Variants in PCDHGB7 observed in about 807,000 individuals in gnomAD.
The protein encoded by PCDHGB7 is protocadherin gamma subfamily B, 7.
In PCDHGB7, 37 loss-of-function variants were observed where a neutral mutation model predicts 61.4. That is an observed-to-expected ratio of 0.60 (90% CI 0.46 to 0.79). The LOEUF is 0.79. Ranked by LOEUF, PCDHGB7 falls within the 30% of genes least tolerant of loss-of-function variation. PCDHGB7 has a pLI of 0.00. For synonymous variants in PCDHGB7, 464 were observed against 503.5 expected (o/e 0.92, Z 1.05); for missense variants, 1,166 against 1,202.5 (o/e 0.97, Z 0.45).
chr5:141,468,443 G>A (rs760789357), intron 1 of PCDHGB7: 6 of 152,124 alleles, frequency 3.9e-5, no homozygotes, highest in Non-Finnish European at 8.8e-5. Context: ...AAATGTGGGT[G>A]CAAAATTAAA....
chr5:141,485,151 T>G lies in PCDHGB7; in HGVS notation c.2416-9656T>G. The G allele has an allele frequency of 2.5e-6, 4 of 1,584,876 alleles. No individual in the cohort carries two copies. Among genetic ancestry groups the G allele is most frequent in the Non-Finnish European group, 3.5e-6 (4 of 1,156,528 alleles). ...GCTTCATCCGCGTCTCAGGAGCAAG[T>G]AGAGAATTAGCGGGCGGCAGCAATG... On this transcript the variant is annotated intron_variant, in intron 1 of 3. Coordinates refer to ENST00000398594, the MANE Select transcript of PCDHGB7 (RefSeq NM_018927.4). The surrounding 1 kb of genome is among the most constrained non-coding windows in gnomAD (Gnocchi z 5.7).
rs1474193256 is a variant in PCDHGB7 at position 141,419,582 on chromosome 5, T to A, written c.1723T>A (p.Phe575Ile). The change falls in exon 1 of 4, where the codon TTC (phenylalanine) becomes ATC (isoleucine). Residue 575 changes from phenylalanine (F) to isoleucine (I), a missense_variant. By Grantham distance (21) the Phe-to-Ile change is conservative. Coordinates refer to ENST00000398594, the MANE Select transcript of PCDHGB7 (RefSeq NM_018927.4). Reference protein sequence around the residue: ...PALGPDGSALFDTVPRAAQPG... With the variant: ...PALGPDGSALIDTVPRAAQPG... Reference sequence around the variant, plus strand: ...GCTGGGTCCCGACGGCTCCGCGCTCTTCGACACAGTGCCGCGGGCCGCGCA... The same window carrying A: ...GCTGGGTCCCGACGGCTCCGCGCTCATCGACACAGTGCCGCGGGCCGCGCA... 1 of 1,611,894 alleles carries A rather than the reference T, an allele frequency of 6.2e-7. No individual in the cohort carries two copies.
intron 2 of PCDHGB7, among the ~76,000 whole-genome samples, chr5:141,499,384 A>G (rs2099791576): frequency 6.6e-6 from 1 of 152,200 alleles, no homozygotes. Context: ...TTTTCCACTT[A>G]TAAAATAGTA....
intron 1 of PCDHGB7, chr5:141,478,182 AT>A: frequency 6.2e-7 from 1 of 1,613,984 alleles, no homozygotes. Context: ...CAGAAAAAAA[AT>A]CTCACCTTTT....
chr5:141,500,484 C>T (rs2099800696), intron 2 of PCDHGB7, among the ~76,000 whole-genome samples: 1 of 152,304 alleles, frequency 6.6e-6, no homozygotes, highest in Non-Finnish European at 1.5e-5. Context: ...GCTGGGATTA[C>T]AGGCGTGAGC....
At chr5:141,496,948 G>A (rs2099772844) in intron 2 of PCDHGB7, among the ~76,000 whole-genome samples, 1 of 151,826 alleles carries the variant, frequency 6.6e-6, no homozygotes, top group Admixed American at 6.6e-5. Context: ...CACTTTGGGA[G>A]GCCAAGGTGG....
intron 1 of PCDHGB7, among the ~76,000 whole-genome samples, chr5:141,438,705 G>A (rs555160868): frequency 2.0e-4 from 29 of 145,842 alleles, no homozygotes; most frequent in African/African-American, 7.1e-4. Flanking sequence ...CTGTCACCCA[G>A]GCTGGAGTGC....
intron 2 of PCDHGB7, 141 bp downstream of exon 2, chr5:141,495,006 G>A (rs1030195663): frequency 1.3e-6 from 2 of 1,521,564 alleles, no homozygotes; most frequent in Non-Finnish European, 1.8e-6. Flanking sequence ...CTTGGTGTGC[G>A]GGGGGCTGGC....
chr5:141,497,885 A>T (rs1469477968), intron 2 of PCDHGB7, among the ~76,000 whole-genome samples: 1 of 152,166 alleles, frequency 6.6e-6, no homozygotes, highest in Non-Finnish European at 1.5e-5. Flanking sequence ...AAGCGTTAGG[A>T]TCTAGTCCAG....
At chr5:141,426,680 T>TC in intron 1 of PCDHGB7, 1 of 431,452 alleles carries the variant, frequency 2.3e-6, no homozygotes, top group South Asian at 1.6e-5. Context: ...CACCTCATTT[T>TC]CCCCAAAATA....
At position 141,476,161 on chromosome 5, in the gene PCDHGB7, G is replaced by A. The variant is rs748660112; in HGVS notation, c.2416-18646G>A. 21 of 1,613,012 alleles carry A rather than the reference G, an allele frequency of 1.3e-5. No homozygotes were observed. Among genetic ancestry groups the A allele is most frequent in the Non-Finnish European group, 1.8e-5 (21 of 1,179,922 alleles). On this transcript the variant is annotated intron_variant, in intron 1 of 3. Transcript: ENST00000398594. The surrounding 1 kb of genome is among the most constrained non-coding windows in gnomAD (Gnocchi z 7.6). ...GGAGCGGACTGGTAAGCACCGGGAG[G>A]GTAGTGGGAGTTTTGCTTCTGCTTG... is the stretch of plus-strand genomic sequence containing the variant.
At chr5:141,426,445 A>T (rs2096937062) in intron 1 of PCDHGB7, 1 of 310,256 alleles carries the variant, frequency 3.2e-6, no homozygotes, top group East Asian at 8.0e-5. Context: ...TGCGGAGGAC[A>T]TGCGGCTGCA....
intron 1 of PCDHGB7, among the ~76,000 whole-genome samples, chr5:141,461,881 T>C (rs2099025428): frequency 6.6e-6 from 1 of 152,060 alleles, no homozygotes. Flanking sequence ...TGGAGTGCAA[T>C]GGCACGATCT....
intron 1 of PCDHGB7, chr5:141,423,051 C>T (rs200022455): frequency 1.7e-5 from 28 of 1,614,084 alleles, no homozygotes; most frequent in Non-Finnish European, 2.3e-5. Context: ...TGTCCTATCG[C>T]CTGCTTAAGG....
intron 2 of PCDHGB7, among the ~76,000 whole-genome samples, chr5:141,498,882 G>A (rs1287566657): frequency 6.8e-6 from 1 of 147,420 alleles, no homozygotes; most frequent in African/African-American, 2.5e-5. Context: ...GCAGTGAGCT[G>A]AGATCACACC....
In PCDHGB7 at chr5:141,418,063, G is replaced by C. The variant is rs2015825; in HGVS notation, c.204G>C (p.Val68=). The change falls in exon 1 of 4, where the codon GTG becomes GTC. Residue 68 remains valine (V), a synonymous_variant. Coordinates refer to ENST00000398594, the MANE Select transcript of PCDHGB7 (RefSeq NM_018927.4). The stretch of plus-strand genomic sequence containing the variant: ...ATGTGTCGGCTCGCGAGCTGCGAGT[G>C]AGCGCGGAGAAGCTGCACTTCAGCG... The part of the protein sequence containing the change: ...VLDVSARELR[V]SAEKLHFSVD... The C allele has an allele frequency of 1.9e-6, 3 of 1,613,754 alleles. No homozygotes were observed. Among genetic ancestry groups the C allele is most frequent in the Admixed American group, 1.7e-5 (1 of 59,984 alleles).
In PCDHGB7 at chr5:141,489,423, C is replaced by A. The variant is rs754178145; in HGVS notation, c.2416-5384C>A. 7.4e-6 allele frequency: 12 copies of A among 1,613,982 alleles called. No homozygotes were observed. Among genetic ancestry groups the A allele is most frequent in the Non-Finnish European group, 1.0e-5 (12 of 1,180,044 alleles). On this transcript the variant is annotated intron_variant, in intron 1 of 3. Transcript: ENST00000398594. The surrounding 1 kb of genome is among the most constrained non-coding windows in gnomAD (Gnocchi z 4.5). Reference sequence around the variant, plus strand: ...GCTTAAAGATGACAGATCTGTTGAGCCGGCGGCTGCAATTGGGCTCTGAGG... The same window carrying A: ...GCTTAAAGATGACAGATCTGTTGAGACGGCGGCTGCAATTGGGCTCTGAGG...
chr5:141,498,042 A>G (rs1189035278), intron 2 of PCDHGB7, among the ~76,000 whole-genome samples: 2 of 152,238 alleles, frequency 1.3e-5, no homozygotes, highest in Non-Finnish European at 2.9e-5. Flanking sequence ...AATAATTACA[A>G]AAATAAATGT....
chr5:141,442,779 A>G (rs1453800627), intron 1 of PCDHGB7, among the ~76,000 whole-genome samples: 1 of 152,160 alleles, frequency 6.6e-6, no homozygotes, highest in Non-Finnish European at 1.5e-5. Context: ...GTTTGATTAT[A>G]TTTTATAATT....
Sources: gnomAD v4.1 joint callset for allele counts (sites outside exome capture counted in the v4.1 genomes callset) on GRCh38, gnomAD v4.1.1 for gene constraint, Gnocchi (gnomAD v3.1) non-coding constraint, MANE v1.5 for transcripts, NCBI Gene and HGNC (gene_info 2026-07-23, HGNC 2026-07-21) for gene names.